Variants in ERLEC1 observed in about 807,000 individuals in gnomAD.
ERLEC1 encodes the protein endoplasmic reticulum lectin 1, also known as ER lectin.
In ERLEC1, 47 loss-of-function variants were observed where a neutral mutation model predicts 68.0. That is an observed-to-expected ratio of 0.69 (90% confidence interval 0.55 to 0.88). The LOEUF is 0.88. Ranked by LOEUF, ERLEC1 falls within the 40% of genes least tolerant of loss-of-function variation. ERLEC1 has a pLI of 0.00. For missense variants in ERLEC1, 567 were observed against 583.8 expected (o/e 0.97, Z 0.30); for synonymous variants, 225 against 203.2 (o/e 1.11, Z -0.91).
intron 8 of ERLEC1, among the ~76,000 whole-genome samples, chr2:53,803,911 T>G (rs1676137515): frequency 6.6e-6 from 1 of 152,178 alleles, no homozygotes; most frequent in East Asian, 1.9e-4. Context: ...GTCAGATCAC[T>G]TGAGGTCAGG....
intron 1 of ERLEC1, among the ~76,000 whole-genome samples, chr2:53,789,252 G>T (rs766036096): frequency 2.6e-5 from 4 of 151,910 alleles, no homozygotes; most frequent in Non-Finnish European, 5.9e-5. Flanking sequence ...AAATTAGCTG[G>T]GCGTGGTGGT....
At chr2:53,792,189 T>C (rs920368351) in intron 1 of ERLEC1, among the ~76,000 whole-genome samples, 81 of 151,120 alleles carry the variant, frequency 5.4e-4, no homozygotes, top group South Asian at 1.5e-3. Flanking sequence ...AGTGCTGGGA[T>C]TACCGGCGTG....
chr2:53,793,400 A>G (rs1002679647), intron 1 of ERLEC1, among the ~76,000 whole-genome samples: 2 of 152,174 alleles, frequency 1.3e-5, no homozygotes, highest in African/African-American at 2.4e-5. Flanking sequence ...GTCCCACCAC[A>G]TATTTTTATA....
intron 5 of ERLEC1, among the ~76,000 whole-genome samples, chr2:53,798,677 G>A (rs1287937087): frequency 6.6e-6 from 1 of 151,070 alleles, no homozygotes; most frequent in Non-Finnish European, 1.5e-5. Context: ...TCTTCTGCTT[G>A]GCTTAAGCAA....
In ERLEC1 at chr2:53,808,806, A is replaced by G. The variant is rs1191712538; in HGVS notation, c.1041+346A>G. On this transcript the variant is annotated intron_variant, in intron 9 of 13. Coordinates refer to ENST00000185150, the MANE Select transcript of ERLEC1 (RefSeq NM_015701.5). ...GGAATTAACATCTCCCTTTAAAAAA[A>G]AAGTTAGAGACAGGGTCTCACTGTG... Among the ~76,000 whole-genome samples, 7 of 152,310 alleles carry G rather than the reference A, an allele frequency of 4.6e-5. No homozygotes were observed. The South Asian group carries it at 1.5e-3, about 32-fold the overall frequency.
chr2:53,787,763 C>A (rs749715954), intron 1 of ERLEC1, among the ~76,000 whole-genome samples: 48 of 152,196 alleles, frequency 3.2e-4, no homozygotes, highest in Non-Finnish European at 5.7e-4. Flanking sequence ...TTACATGTCA[C>A]CCTGCCCACA....
chr2:53,792,527 G>A (rs1017537729), intron 1 of ERLEC1, among the ~76,000 whole-genome samples: 12 of 152,146 alleles, frequency 7.9e-5, no homozygotes, highest in African/African-American at 2.4e-4. Context: ...GTCTGTTTCC[G>A]TAAAAATGAG....
intron 13 of ERLEC1, among the ~76,000 whole-genome samples, chr2:53,817,333 C>T (rs912276979): frequency 6.6e-6 from 1 of 152,040 alleles, no homozygotes; most frequent in African/African-American, 2.4e-5. Context: ...CGGGGTTTCA[C>T]TATGTTAGCC....
chr2:53,798,848 C>T (rs193090637), intron 5 of ERLEC1, among the ~76,000 whole-genome samples, 199 bp from the exon 6 acceptor site: 1 of 151,822 alleles, frequency 6.6e-6, no homozygotes, highest in East Asian at 1.9e-4. Flanking sequence ...AGAGTATTTC[C>T]TGGGTAAAGA....
chr2:53,794,643 T>A (rs1048366985), intron 2 of ERLEC1, among the ~76,000 whole-genome samples, 194 bp downstream of exon 2: 7 of 151,806 alleles, frequency 4.6e-5, no homozygotes, highest in African/African-American at 1.7e-4. Flanking sequence ...TAGCAATCAA[T>A]TTTTTTTTAT....
intron 10 of ERLEC1, among the ~76,000 whole-genome samples, chr2:53,812,719 A>C (rs945638347): frequency 6.6e-6 from 1 of 152,192 alleles, no homozygotes; most frequent in Non-Finnish European, 1.5e-5. Flanking sequence ...AAATAACTAC[A>C]TTTAGAGCTA....
intron 3 of ERLEC1, among the ~76,000 whole-genome samples, chr2:53,797,022 G>C (rs1675749263): frequency 6.6e-6 from 1 of 150,710 alleles, no homozygotes; most frequent in African/African-American, 2.4e-5. Flanking sequence ...CTCCCAAGTA[G>C]CTAGGGTTAC....
At chr2:53,807,935 GA>G (rs1368470504) in intron 8 of ERLEC1, among the ~76,000 whole-genome samples, 35 of 151,616 alleles carry the variant, frequency 2.3e-4, no homozygotes, top group Non-Finnish European at 1.2e-4. Flanking sequence ...TGAGGCAGGA[GA>G]ATTGCTTTAA....
Position 53,795,980 on chromosome 2 carries a change from G to C in ERLEC1, c.315G>C (p.Glu105Asp), listed in dbSNP as rs570454297. Residue 105 changes from glutamate to aspartate, a missense_variant, in exon 3 of 14, where the codon GAG (glutamate) becomes GAC (aspartate). Coordinates refer to ENST00000185150, the MANE Select transcript of ERLEC1 (RefSeq NM_015701.5). ...GCCCTAATCCAAGAGAGCTTTTGGA[G>C]CCACTATTTAAACAAAGCAGTTGTT... ...YKGPNPRELL[E>D]PLFKQSSCSY... 7 of 1,604,534 alleles carry C rather than the reference G, an allele frequency of 4.4e-6. No homozygotes were observed. In the African/African-American group the frequency reaches 6.7e-5, roughly 15 times the overall value.
Position 53,787,372 on chromosome 2 carries a change from G to A in ERLEC1, c.162G>A (p.Leu54=). 1.2e-6 allele frequency: 2 copies of A among 1,609,030 alleles called. No homozygotes were observed. Among genetic ancestry groups the A allele is most frequent in the Non-Finnish European group, 1.7e-6 (2 of 1,178,290 alleles). The change falls in exon 1 of 14, where the codon CTG becomes CTA. Residue 54 remains leucine, a splice_region_variant and synonymous_variant. Transcript: ENST00000185150. ...ACTGGCCCGGCACCGAGTTCTCTCT[G>A]GTCAGTGCCCTCACTAACCCCGCAG... is the stretch of plus-strand genomic sequence containing the variant. ...RVNWPGTEFS[L]PTTGVLYKED... is the part of the protein sequence containing the mutation.
intron 1 of ERLEC1, among the ~76,000 whole-genome samples, chr2:53,789,569 T>C (rs1675273138): frequency 6.6e-6 from 1 of 152,164 alleles, no homozygotes; most frequent in African/African-American, 2.4e-5. Context: ...CTTTTTTTTC[T>C]TTAAGTCTGT....
At chr2:53,807,256 A>G (rs1676343284) in intron 8 of ERLEC1, among the ~76,000 whole-genome samples, 1 of 151,730 alleles carries the variant, frequency 6.6e-6, no homozygotes, top group Non-Finnish European at 1.5e-5. Context: ...CACAGAACAC[A>G]CAGATAAACA....
chr2:53,796,160 G>T, intron 3 of ERLEC1, 147 bp downstream of exon 3: 1 of 475,014 alleles, frequency 2.1e-6, no homozygotes. Context: ...GTGCAGGATT[G>T]TTATATAGGT....
chr2:53,812,926 C>A, intron 10 of ERLEC1, 23 bp from the exon 11 acceptor site: 1 of 1,598,030 alleles, frequency 6.3e-7, no homozygotes, highest in Non-Finnish European at 8.5e-7. Flanking sequence ...CACGCATTAT[C>A]ACAAATTTTT....
Sources: allele counts gnomAD v4.1 joint callset (sites outside exome capture counted in the v4.1 genomes callset), GRCh38; gene constraint gnomAD v4.1.1; transcripts MANE v1.5; gene names NCBI Gene and HGNC (gene_info 2026-07-23, HGNC 2026-07-21).